PDE4D: variants seen among roughly 807,000 people sequenced by gnomAD.
PDE4D encodes the protein phosphodiesterase 4D.
Under a neutral mutation model 87.4 loss-of-function variants are expected in PDE4D, and 24 were observed. The ratio of observed to expected loss-of-function variants is 0.27; its 90% CI spans 0.20 to 0.39. PDE4D has a LOEUF of 0.39. PDE4D is among the 10% of genes least tolerant of loss of function. PDE4D has a pLI of 1.00. For synonymous variants in PDE4D, 384 were observed against 383.2 expected, an observed-to-expected ratio of 1.00 and a Z score of -0.02; for missense variants, 714 against 1,041.0, an observed-to-expected ratio of 0.69 and a Z score of 4.32.
chr5:59,557,544 C>A (rs983470070), intron 1 of PDE4D, among the ~76,000 whole-genome samples: 3 of 151,600 alleles, frequency 2.0e-5, no homozygotes, highest in Admixed American at 6.6e-5. Context: ...TGTAAAAATA[C>A]AATGATGGTT....
chr5:60,390,191 G>A (rs548826253), intron 1 of PDE4D, among the ~76,000 whole-genome samples: 14 of 152,308 alleles, frequency 9.2e-5, no homozygotes, highest in African/African-American at 3.4e-4. Flanking sequence ...AGTCACATGA[G>A]GAGCTCTGTG....
intron 3 of PDE4D, among the ~76,000 whole-genome samples, chr5:59,947,521 C>T (rs913254344): frequency 6.6e-6 from 1 of 152,146 alleles, no homozygotes; most frequent in Non-Finnish European, 1.5e-5. Context: ...CCCAGATGCT[C>T]CCTTGTCTAG....
intron 1 of PDE4D, among the ~76,000 whole-genome samples, chr5:60,278,531 T>C (rs574694862): frequency 9.1e-4 from 139 of 152,280 alleles, no homozygotes; most frequent in African/African-American, 1.3e-3. Flanking sequence ...ACATGAATGC[T>C]AGATCTTTTG....
chr5:60,179,436 A>C (rs1369667445), intron 2 of PDE4D, among the ~76,000 whole-genome samples: 1 of 152,092 alleles, frequency 6.6e-6, no homozygotes, highest in Admixed American at 6.5e-5. Flanking sequence ...ACAATTGATT[A>C]TTGTATAGCA....
chr5:60,057,020 T>C (rs532914246), intron 2 of PDE4D, among the ~76,000 whole-genome samples: 1 of 152,204 alleles, frequency 6.6e-6, no homozygotes, highest in Admixed American at 6.6e-5. Context: ...TTTTCCCACA[T>C]ATATAAACAA....
At chr5:59,759,670 T>G (rs1396309280) in intron 1 of PDE4D, among the ~76,000 whole-genome samples, 5 of 152,144 alleles carry the variant, frequency 3.3e-5, no homozygotes, top group Non-Finnish European at 7.3e-5. Context: ...CCTCCCATGA[T>G]TTCCACAGAG....
chr5:60,193,544 C>G (rs1785369821), intron 1 of PDE4D, among the ~76,000 whole-genome samples: 1 of 151,226 alleles, frequency 6.6e-6, no homozygotes, highest in South Asian at 2.1e-4. Flanking sequence ...GTGGCGGGCG[C>G]CTGTAGTCCC....
intron 1 of PDE4D, among the ~76,000 whole-genome samples, chr5:60,309,382 T>C (rs1754798637): frequency 6.6e-6 from 1 of 152,094 alleles, no homozygotes. Context: ...AGCCTAACCA[T>C]AAACAACTGG....
chr5:60,002,384 A>G lies in PDE4D; in HGVS notation c.43-13667T>C, dbSNP rs146230025. On this transcript the variant is annotated intron_variant, in intron 2 of 16. Coordinates refer to the PDE4D transcript ENST00000502484. ...ATGCTTCTCAAACTCTTCCAAAAAA[A>G]GTGAAGAGAAGGGAACACTTCCAAA... Among the ~76,000 whole-genome samples, 352 of 152,272 alleles carry G rather than the reference A, an allele frequency of 2.3e-3. 3 individuals carry two copies. Among genetic ancestry groups the G allele is most frequent in the African/African-American group, 7.6e-3 (316 of 41,568 alleles).
intron 1 of PDE4D, among the ~76,000 whole-genome samples, chr5:59,619,510 C>T (rs1830101030): frequency 6.6e-6 from 1 of 152,192 alleles, no homozygotes; most frequent in Non-Finnish European, 1.5e-5. Flanking sequence ...TCGAGCATAG[C>T]AAGCGGATGG....
chr5:60,127,627 T>A lies in PDE4D; in HGVS notation c.42+57930A>T. 3.5e-6 allele frequency: 2 copies of A among 564,394 alleles called. 1 individual carries two copies. Among genetic ancestry groups the A allele is most frequent in the South Asian group, 4.6e-5 (2 of 43,502 alleles). The allele number at this position is 564,394 out of a possible 1,614,324, so 35.0% of individuals were successfully genotyped here. On this transcript the variant is annotated intron_variant, in intron 2 of 16. Coordinates refer to the PDE4D transcript ENST00000502484. ...ATGAAGGTGAAGAATTGGATGACTG[T>A]TGATATTCATAGTTTTAAGGGCCAC...
intron 3 of PDE4D, among the ~76,000 whole-genome samples, chr5:59,909,536 A>C (rs978185471): frequency 6.6e-6 from 1 of 152,122 alleles, no homozygotes; most frequent in East Asian, 1.9e-4. Context: ...GCGGGATTAC[A>C]GGCACACACC....
chr5:59,969,666 T>G (rs946218344), intron 3 of PDE4D, among the ~76,000 whole-genome samples: 3 of 152,144 alleles, frequency 2.0e-5, no homozygotes, highest in Admixed American at 2.0e-4. Flanking sequence ...AATTGAACCA[T>G]GGGGACAGTT....
At chr5:59,794,137 GCACACACACACACACACACA>G (rs58204799) in intron 1 of PDE4D, among the ~76,000 whole-genome samples, 110 of 145,062 alleles carry the variant, frequency 7.6e-4, no homozygotes, top group Non-Finnish European at 1.3e-3. Context: ...ACACAGAGGC[GCACACACACACACACACACA>G]CACACACACA....
chr5:59,499,347 TAA>T (rs55735204), intron 1 of PDE4D, among the ~76,000 whole-genome samples: 44,051 of 130,730 alleles, frequency 0.34, 7,745 homozygotes, highest in African/African-American at 0.51. Context: ...AAATCGCACC[TAA>T]AAAAAAAAAA....
intron 1 of PDE4D, among the ~76,000 whole-genome samples, chr5:60,256,539 C>T (rs565750719): frequency 5.3e-5 from 8 of 151,618 alleles, no homozygotes; most frequent in Middle Eastern, 3.4e-3. Context: ...TGTTTTAGAA[C>T]GAAAGAGAAT....
At chr5:59,277,601 C>G (rs529578893) in intron 1 of PDE4D, among the ~76,000 whole-genome samples, 1 of 152,126 alleles carries the variant, frequency 6.6e-6, no homozygotes, top group Admixed American at 6.6e-5. Context: ...AAACACTGTT[C>G]CCTCCATGTA....
chr5:60,039,609 A>T (rs1394634027), intron 2 of PDE4D, among the ~76,000 whole-genome samples: 1 of 151,922 alleles, frequency 6.6e-6, no homozygotes. Context: ...AAAAAATAAA[A>T]AAAATAAAAA....
At chr5:59,550,903 G>C (rs917233029) in intron 1 of PDE4D, among the ~76,000 whole-genome samples, 12 of 151,806 alleles carry the variant, frequency 7.9e-5, no homozygotes, top group African/African-American at 2.9e-4. Flanking sequence ...TCACCATGTT[G>C]GTCAGGCTGG....
Sources: allele counts gnomAD v4.1 joint callset (sites outside exome capture counted in the v4.1 genomes callset), GRCh38; gene constraint gnomAD v4.1.1; transcripts MANE v1.5; gene names NCBI Gene and HGNC (gene_info 2026-07-23, HGNC 2026-07-21).